The following CSMD1 variants were observed in gnomAD, a reference collection of about 807,000 sequenced individuals.
CSMD1 encodes the protein CUB and Sushi multiple domains 1.
Under a neutral mutation model 417.5 loss-of-function variants are expected in CSMD1, and 213 were observed. The ratio of observed to expected loss-of-function variants is 0.51; its 90% CI spans 0.46 to 0.57. CSMD1 has a LOEUF of 0.57. Among genes scored for constraint, CSMD1 ranks in the 20% least tolerant of loss-of-function variants. The probability of loss-of-function intolerance (pLI) is 0.00; values close to 1 mark genes in which losing one functional copy is unlikely to be tolerated. For synonymous variants in CSMD1, 2,862 were observed against 1,736.8 expected (o/e 1.65, Z -16.11); for missense variants, 6,923 against 4,529.7 (o/e 1.53, Z -15.17).
At chr8:4,750,040 T>G (rs1252867437) in intron 1 of CSMD1, among the ~76,000 whole-genome samples, 2 of 151,512 alleles carry the variant, frequency 1.3e-5, no homozygotes, top group Non-Finnish European at 2.9e-5. Flanking sequence ...GGAGTCTCGC[T>G]CTGTCGCCCA....
chr8:4,412,690 G>C (rs1253807635), intron 3 of CSMD1, among the ~76,000 whole-genome samples: 1 of 152,140 alleles, frequency 6.6e-6, no homozygotes, highest in Non-Finnish European at 1.5e-5. Context: ...TGTATATTAA[G>C]TTCACGTAAC....
intron 10 of CSMD1, among the ~76,000 whole-genome samples, chr8:3,518,377 T>A (rs370411842): frequency 2.6e-5 from 4 of 152,176 alleles, no homozygotes; most frequent in African/African-American, 9.7e-5. Context: ...AACCATTTAA[T>A]TGTAAATATT....
chr8:4,075,882 G>C (rs1799795600), intron 3 of CSMD1, among the ~76,000 whole-genome samples: 1 of 152,056 alleles, frequency 6.6e-6, no homozygotes, highest in African/African-American at 2.4e-5. Flanking sequence ...TTCTAGCCCA[G>C]AAATTATAAT....
intron 10 of CSMD1, among the ~76,000 whole-genome samples, chr8:3,533,720 T>A (rs182806677): frequency 6.6e-6 from 1 of 152,354 alleles, no homozygotes; most frequent in East Asian, 1.9e-4. Flanking sequence ...TGTATCATCC[T>A]GGAACTCAGT....
At chr8:3,819,141 G>A (rs568034230) in intron 5 of CSMD1, among the ~76,000 whole-genome samples, 1 of 152,276 alleles carries the variant, frequency 6.6e-6, no homozygotes, top group African/African-American at 2.4e-5. Context: ...GGTCTAGCAG[G>A]CGGAAAGGAA....
chr8:3,301,090 T>G (rs138325982), intron 25 of CSMD1, among the ~76,000 whole-genome samples: 1 of 152,218 alleles, frequency 6.6e-6, no homozygotes, highest in East Asian at 1.9e-4. Context: ...CATTTGCCAT[T>G]GATGTCTATA....
chr8:4,037,848 G>C (rs1005210633), intron 3 of CSMD1, among the ~76,000 whole-genome samples: 2 of 151,954 alleles, frequency 1.3e-5, no homozygotes, highest in African/African-American at 4.8e-5. Context: ...ATATTATAAA[G>C]TAGATCATAT....
intron 50 of CSMD1, among the ~76,000 whole-genome samples, chr8:3,048,049 C>G (rs1003288333): frequency 6.6e-6 from 1 of 152,162 alleles, no homozygotes; most frequent in Non-Finnish European, 1.5e-5. Context: ...AAGGGTAACA[C>G]ATCATTGCTT....
chr8:4,468,232 G>C (rs1174166235), intron 2 of CSMD1, among the ~76,000 whole-genome samples: 3 of 152,196 alleles, frequency 2.0e-5, no homozygotes, highest in African/African-American at 7.2e-5. Flanking sequence ...CCTGGGGAAA[G>C]GAAGGAGAGC....
At chr8:3,052,806 G>C (rs1354994941) in intron 49 of CSMD1, among the ~76,000 whole-genome samples, 159 bp from the exon 50 acceptor site, 1 of 134,684 alleles carries the variant, frequency 7.4e-6, no homozygotes, top group Non-Finnish European at 1.6e-5. Context: ...CTGGAGACAA[G>C]AGTTTTGTGC....
At chr8:4,033,372 G>A (rs1480038088) in intron 3 of CSMD1, among the ~76,000 whole-genome samples, 3 of 152,088 alleles carry the variant, frequency 2.0e-5, no homozygotes, top group South Asian at 2.1e-4. Flanking sequence ...AACCCGGGAG[G>A]CGGAGCTTGC....
At chr8:4,444,976 G>T (rs1014200724) in intron 2 of CSMD1, among the ~76,000 whole-genome samples, 4 of 152,176 alleles carry the variant, frequency 2.6e-5, no homozygotes, top group Non-Finnish European at 4.4e-5. Context: ...TTAAAGAAAT[G>T]TTATTTCCCT....
chr8:4,259,713 A>G (rs1448040850), intron 3 of CSMD1, among the ~76,000 whole-genome samples: 1 of 152,094 alleles, frequency 6.6e-6, no homozygotes, highest in African/African-American at 2.4e-5. Flanking sequence ...CATTTCAATA[A>G]TTTTGCCACA....
intron 26 of CSMD1, among the ~76,000 whole-genome samples, chr8:3,251,713 A>T (rs1158539650): frequency 5.3e-5 from 8 of 152,116 alleles, no homozygotes; most frequent in Non-Finnish European, 2.9e-5. Flanking sequence ...ATGTTCTTCC[A>T]TTTGTTTGTC....
intron 12 of CSMD1, among the ~76,000 whole-genome samples, chr8:3,452,364 G>A (rs1454408032): frequency 6.6e-6 from 1 of 152,302 alleles, no homozygotes; most frequent in South Asian, 2.1e-4. Context: ...TTGAATAGCA[G>A]TGGTGAGAGA....
rs545015297 is a variant in CSMD1 at position 4,496,923 on chromosome 8, C to T, written c.303-76858G>A. ...AATGCTTGTTTTGTGAATCAAAGAG[C>T]GCAGGCACAGAGGCTGGAGGAAGCA... On this transcript the variant is annotated intron_variant, in intron 2 of 69. Coordinates refer to ENST00000635120, the MANE Select transcript of CSMD1 (RefSeq NM_033225.6). 1.3e-3 allele frequency among the ~76,000 whole-genome samples: 198 copies of T among 152,024 alleles called. 1 individual carries two copies. Among genetic ancestry groups the T allele is most frequent in the Admixed American group, 2.6e-3 (39 of 15,264 alleles).
chr8:4,570,955 G>A lies in CSMD1; in HGVS notation c.302+66387C>T, dbSNP rs568758315. Among the ~76,000 whole-genome samples, 9 of 152,120 alleles carry A rather than the reference G, an allele frequency of 5.9e-5. No homozygotes were observed. In the South Asian group the frequency reaches 1.7e-3, roughly 28 times the overall value. Reference sequence around the variant, plus strand: ...AGAGGTATTTATAGTATTCTGTGGTGGTACTTTGTATTTCTGTGGGATTGG... The same window carrying A: ...AGAGGTATTTATAGTATTCTGTGGTAGTACTTTGTATTTCTGTGGGATTGG... On this transcript the variant is annotated intron_variant, in intron 2 of 69. Coordinates refer to ENST00000635120, the MANE Select transcript of CSMD1 (RefSeq NM_033225.6).
intron 23 of CSMD1, among the ~76,000 whole-genome samples, chr8:3,322,740 C>T (rs1028421069): frequency 4.6e-5 from 7 of 152,202 alleles, no homozygotes; most frequent in South Asian, 4.1e-4. Flanking sequence ...CCATCCAGGG[C>T]ATATCACGAG....
intron 3 of CSMD1, among the ~76,000 whole-genome samples, chr8:4,085,823 C>G (rs1447310196): frequency 6.6e-6 from 1 of 152,074 alleles, no homozygotes; most frequent in Non-Finnish European, 1.5e-5. Flanking sequence ...TCCTGATAGC[C>G]AGATAAAAGT....
Sources: gnomAD v4.1 joint callset for allele counts (sites outside exome capture counted in the v4.1 genomes callset) on GRCh38, gnomAD v4.1.1 for gene constraint, MANE v1.5 for transcripts, NCBI Gene and HGNC (gene_info 2026-07-23, HGNC 2026-07-21) for gene names.